SRMS: variants seen among roughly 807,000 people sequenced by gnomAD.
SRMS encodes tyrosine-protein kinase Srms.
SRMS carries 42 observed loss-of-function variants against 43.5 expected under a neutral mutation model. The observed-to-expected ratio is 0.97, with a 90% CI of 0.75 to 1.25. The LOEUF is 1.25. SRMS is among the 50% of genes most tolerant of loss of function. SRMS has a pLI of 0.00. For missense variants in SRMS, 703 were observed against 681.0 expected (o/e 1.03, Z -0.36); for synonymous variants, 316 against 308.2 (o/e 1.03, Z -0.27).
At chr20:63,542,033 G>T in intron 5 of SRMS, 130 bp downstream of exon 5, 1 of 1,328,040 alleles carries the variant, frequency 7.5e-7, no homozygotes, top group South Asian at 1.5e-5. Context: ...GGGATCTGCA[G>T]CCGGGGCCAC....
At position 63,547,491 on chromosome 20, in the gene SRMS, G is replaced by A; in HGVS notation, c.-28C>T. 6.9e-7 allele frequency: 1 copy of A among 1,444,140 alleles called. No individual in the cohort carries two copies. The highest frequency in any genetic ancestry group is 9.1e-7 in the Non-Finnish European group (1 of 1,095,956). 89.5% of individuals were successfully genotyped at this position (1,444,140 alleles called of 1,614,324 possible). On this transcript the variant is annotated 5_prime_UTR_variant, in exon 1 of 8. Coordinates refer to ENST00000217188, the MANE Select transcript of SRMS (RefSeq NM_080823.4). Reference sequence around the variant, plus strand: ...CCCGGGGTCACCACGCTGGGCCCGAGGGCCATGGGAGCCCGCGAGCCCGGA... The same window carrying A: ...CCCGGGGTCACCACGCTGGGCCCGAAGGCCATGGGAGCCCGCGAGCCCGGA...
intron 5 of SRMS, 103 bp from the exon 6 acceptor site, chr20:63,541,723 TAAGA>T (rs1239387332): frequency 2.2e-6 from 3 of 1,334,764 alleles, no homozygotes; most frequent in Non-Finnish European, 3.0e-6. Context: ...TCCTCATCTC[TAAGA>T]CGTGGCGAGG....
At chr20:63,543,583 A>C (rs1454560523) in intron 2 of SRMS, 103 bp from the exon 3 acceptor site, 3 of 1,388,534 alleles carry the variant, frequency 2.2e-6, no homozygotes, top group East Asian at 4.8e-5. Flanking sequence ...GGTCTGGCTC[A>C]GACCTAGCTG....
At chr20:63,542,024 G>A in intron 5 of SRMS, 139 bp downstream of exon 5, 2 of 1,235,830 alleles carry the variant, frequency 1.6e-6, no homozygotes, top group Non-Finnish European at 2.2e-6. Flanking sequence ...GACAGGGATG[G>A]GATCTGCAGC....
At chr20:63,543,887 A>G (rs1268388986) in intron 2 of SRMS, 2 of 365,904 alleles carry the variant, frequency 5.5e-6, no homozygotes, top group African/African-American at 2.1e-5. Flanking sequence ...TGACGAATGA[A>G]CGAGTGAATG....
In SRMS at chr20:63,542,430, G is replaced by C. The variant is rs748461764; in HGVS notation, c.787+10C>G. The C allele has an allele frequency of 1.9e-5, 31 of 1,608,048 alleles. No homozygotes were observed. Among genetic ancestry groups the C allele is most frequent in the Admixed American group, 1.0e-4 (6 of 59,666 alleles). Reference sequence around the variant, plus strand: ...GGGCCCGGCCGTGGCGCAGGATCTCGGGGCCTCACCTGACTTGATGACCTT... The same window carrying C: ...GGGCCCGGCCGTGGCGCAGGATCTCCGGGCCTCACCTGACTTGATGACCTT... On this transcript the variant is annotated intron_variant, in intron 4 of 7. Transcript: ENST00000217188.
At chr20:63,546,365 C>A (rs1378192159) in intron 1 of SRMS, among the ~76,000 whole-genome samples, 1 of 152,224 alleles carries the variant, frequency 6.6e-6, no homozygotes, top group Non-Finnish European at 1.5e-5. Flanking sequence ...GCAAGGCTGA[C>A]CCCGAAGGTC....
rs1277640366 is a variant in SRMS at position 63,538,887 on chromosome 20, C to T, written c.*1931G>A. On this transcript the variant is annotated 3_prime_UTR_variant, in exon 8 of 8. Coordinates refer to ENST00000217188, the MANE Select transcript of SRMS (RefSeq NM_080823.4). ...TCTAAGCCACACCAGGAGGCAGGAA[C>T]GTCCCCAGCCCCTCCCAGATACCCA... Among the ~76,000 whole-genome samples, 2 of 152,132 alleles carry T rather than the reference C, an allele frequency of 1.3e-5. No individual in the cohort carries two copies. The highest frequency in any genetic ancestry group is 4.8e-5 in the African/African-American group (2 of 41,434).
intron 1 of SRMS, among the ~76,000 whole-genome samples, chr20:63,544,658 G>C (rs896347584): frequency 1.3e-5 from 2 of 152,256 alleles, no homozygotes; most frequent in Admixed American, 1.3e-4. Context: ...AGTCAGCCCT[G>C]GCCATGGGCC....
chr20:63,541,065 T>G (rs2082701112), intron 7 of SRMS, 66 bp from the exon 8 acceptor site: 1 of 1,592,940 alleles, frequency 6.3e-7, no homozygotes, highest in Non-Finnish European at 8.5e-7. Flanking sequence ...AGGCCTCCTG[T>G]AGCCCCCCAT....
chr20:63,546,503 C>T (rs1257688504), intron 1 of SRMS, among the ~76,000 whole-genome samples: 1 of 151,940 alleles, frequency 6.6e-6, no homozygotes, highest in Non-Finnish European at 1.5e-5. Flanking sequence ...GCTCCTGGAG[C>T]GTGGGCCCCT....
intron 7 of SRMS, 69 bp downstream of exon 7, chr20:63,541,122 C>G: frequency 6.4e-7 from 1 of 1,552,400 alleles, no homozygotes; most frequent in South Asian, 1.2e-5. Flanking sequence ...TTGCCGACAG[C>G]GTCCAGGCCC....
chr20:63,542,652 C>T (rs2082711522), intron 3 of SRMS, 71 bp from the exon 4 acceptor site: 5 of 1,500,398 alleles, frequency 3.3e-6, no homozygotes, highest in Non-Finnish European at 4.5e-6. Flanking sequence ...CAGCCCCCCA[C>T]ACCAGGCCTC....
At chr20:63,544,116 A>G (rs886494147) in intron 2 of SRMS, 111 bp downstream of exon 2, 19 of 1,270,692 alleles carry the variant, frequency 1.5e-5, no homozygotes, top group Admixed American at 1.2e-4. Flanking sequence ...TTGGGCCCTC[A>G]GTGGCGCCGG....
chr20:63,547,361 C>A lies in SRMS; in HGVS notation c.103G>T (p.Asp35Tyr), dbSNP rs765861743. The change falls in exon 1 of 8, where the codon GAC (aspartate) becomes TAC (tyrosine). Residue 35 changes from aspartate to tyrosine, a missense_variant. By Grantham distance (160) the Asp-to-Tyr change is radical. Coordinates refer to ENST00000217188, the MANE Select transcript of SRMS (RefSeq NM_080823.4). ...GTGGGCACTGGGTCAGTGTTGGGGT[C>A]CAGGGACCCGGGGGTGCCATGGTCC... The part of the protein sequence containing the change: ...EPDHGTPGSL[D>Y]PNTDPVPTLP... The A allele has an allele frequency of 4.4e-6, 7 of 1,580,960 alleles. No individual in the cohort carries two copies. Among genetic ancestry groups the A allele is most frequent in the Middle Eastern group, 1.7e-4 (1 of 5,922 alleles).
rs746267066 is a variant in SRMS, at chr20:63,541,486, C to T, written c.1081G>A (p.Gly361Ser). ...LAARNVLVDD[G>S]LACKVADFGL... The stretch of plus-strand genomic sequence containing the variant: ...AAGTCAGCCACCTTGCAGGCCAGGC[C>T]GTCGTCCACGAGCACGTTCCGGGCG... The change falls in exon 6 of 8, where the codon GGC (glycine) becomes AGC (serine). Residue 361 changes from glycine to serine, a missense_variant. By Grantham distance (56) the Gly-to-Ser change is moderately conservative (BLOSUM62 0). Coordinates refer to ENST00000217188, the MANE Select transcript of SRMS (RefSeq NM_080823.4). 28 of 1,608,170 alleles carry T rather than the reference C, an allele frequency of 1.7e-5. No individual in the cohort carries two copies. The African/African-American group carries it at 2.0e-4, about 12-fold the overall frequency.
intron 6 of SRMS, 27 bp from the exon 7 acceptor site, chr20:63,541,374 G>A: frequency 1.3e-6 from 2 of 1,545,962 alleles, no homozygotes; most frequent in East Asian, 4.5e-5. Flanking sequence ...GCCCCTGGTA[G>A]GGCAGGTGGA....
In SRMS at chr20:63,540,964, G is replaced by A. The variant is rs376080206; in HGVS notation, c.1321C>T (p.Arg441Ter). Residue 441 changes from arginine to a stop codon, truncating the protein, a stop_gained, in exon 8 of 8, where the codon CGA becomes TGA. Coordinates refer to ENST00000217188, the MANE Select transcript of SRMS (RefSeq NM_080823.4). LOFTEE classifies it low-confidence loss of function (END_TRUNC). The part of the protein sequence containing the change: ...TNHETLQQIM[R>*]GYRLPRPAAC... ...GCCGGGCGCGGCAGCCGGTACCCTC[G>A]CATGATCTGCTGCAGCGTCTCGTGG... The A allele has an allele frequency of 1.1e-4, 174 of 1,608,152 alleles. No homozygotes were observed. The highest frequency in any genetic ancestry group is 1.3e-4 in the Non-Finnish European group (148 of 1,179,478).
At position 63,544,121 on chromosome 20, in the gene SRMS, C is replaced by T. The variant is rs770694511; in HGVS notation, c.478+106G>A. 2.3e-5 allele frequency: 30 copies of T among 1,296,512 alleles called. No individual in the cohort carries two copies. In the East Asian group the frequency reaches 4.4e-4, roughly 19 times the overall value. The allele number at this position is 1,296,512 out of a possible 1,614,324, so 80.3% of individuals were successfully genotyped here. On this transcript the variant is annotated intron_variant, in intron 2 of 7. Transcript: ENST00000217188. Reference sequence around the variant, plus strand: ...ATATCTGCTGTTGGGCCCTCAGTGGCGCCGGGTGTGAATCAGGAGCCAGCA... The same window carrying T: ...ATATCTGCTGTTGGGCCCTCAGTGGTGCCGGGTGTGAATCAGGAGCCAGCA...
Sources: gnomAD v4.1 joint callset for allele counts (sites outside exome capture counted in the v4.1 genomes callset) on GRCh38, gnomAD v4.1.1 for gene constraint, MANE v1.5 for transcripts, NCBI Gene and HGNC (gene_info 2026-07-23, HGNC 2026-07-21) for gene names.